Variants in PLEKHO2 observed in about 807,000 individuals in gnomAD.
PLEKHO2 encodes pleckstrin homology domain-containing family O member 2.
PLEKHO2 carries 20 observed loss-of-function variants against 32.7 expected under a neutral mutation model. The observed-to-expected ratio is 0.61, with a 90% CI of 0.43 to 0.89. The LOEUF is 0.89. PLEKHO2 is among the 40% of genes least tolerant of loss of function. The probability of loss-of-function intolerance (pLI) is 0.00; values close to 1 mark genes in which losing one functional copy is unlikely to be tolerated. For missense variants in PLEKHO2, 568 were observed against 621.2 expected, an observed-to-expected ratio of 0.91 and a Z score of 0.91; for synonymous variants, 247 against 246.3, an observed-to-expected ratio of 1.00 and a Z score of -0.03.
intron 2 of PLEKHO2, among the ~76,000 whole-genome samples, chr15:64,854,251 C>T (rs2084591055): frequency 6.6e-6 from 1 of 152,214 alleles, no homozygotes; most frequent in Admixed American, 6.5e-5. Context: ...GGGCACTGTT[C>T]TGGCCACTGG....
At chr15:64,860,120 C>T (rs1195199524) in intron 4 of PLEKHO2, 122 bp downstream of exon 4, 2 of 805,324 alleles carry the variant, frequency 2.5e-6, no homozygotes, top group African/African-American at 3.4e-5. Context: ...TGCTATGGGG[C>T]ATTGTTGTTA....
intron 2 of PLEKHO2, among the ~76,000 whole-genome samples, chr15:64,849,195 G>A (rs577932846): frequency 6.6e-6 from 1 of 152,294 alleles, no homozygotes; most frequent in Admixed American, 6.5e-5. Context: ...AGGCTGGAGT[G>A]CAGTGGTGCG....
chr15:64,847,355 CGTA>C (rs2084530373), intron 1 of PLEKHO2, among the ~76,000 whole-genome samples: 1 of 152,114 alleles, frequency 6.6e-6, no homozygotes, highest in Non-Finnish European at 1.5e-5. Flanking sequence ...TAAATTATAA[CGTA>C]GTCAAAATTA....
intron 1 of PLEKHO2, among the ~76,000 whole-genome samples, chr15:64,846,592 T>A (rs1339205871): frequency 1.3e-5 from 2 of 152,248 alleles, no homozygotes; most frequent in East Asian, 3.9e-4. Context: ...ATTACAGGCA[T>A]GACCCACCAT....
At chr15:64,863,291 G>A (rs1379895693) in intron 5 of PLEKHO2, among the ~76,000 whole-genome samples, 2 of 152,144 alleles carry the variant, frequency 1.3e-5, no homozygotes, top group Non-Finnish European at 2.9e-5. Context: ...GTGCAGGGCT[G>A]GGTTTGCCGG....
At chr15:64,847,496 G>A (rs1044242562) in intron 1 of PLEKHO2, among the ~76,000 whole-genome samples, 6 of 152,162 alleles carry the variant, frequency 3.9e-5, no homozygotes, top group Non-Finnish European at 8.8e-5. Flanking sequence ...AGCAAAGGGT[G>A]TGTATTTTTA....
intron 1 of PLEKHO2, among the ~76,000 whole-genome samples, chr15:64,848,078 G>A (rs1198368715): frequency 2.0e-5 from 3 of 152,172 alleles, no homozygotes; most frequent in African/African-American, 4.8e-5. Flanking sequence ...CTATTTTCCC[G>A]CACTGTGAGC....
chr15:64,848,557 G>A lies in PLEKHO2; in HGVS notation c.13-36G>A, dbSNP rs754411851. 14 of 1,612,796 alleles carry A rather than the reference G, an allele frequency of 8.7e-6. No homozygotes were observed. In the Admixed American group the frequency reaches 1.3e-4, roughly 15 times the overall value. ...ACCTGTGACCTGTGACCCCATGGTA[G>A]CAACCCTCATGGTATGAACTGGTGC... On this transcript the variant is annotated intron_variant, in intron 1 of 5. Coordinates refer to ENST00000323544, the MANE Select transcript of PLEKHO2 (RefSeq NM_025201.5).
At chr15:64,858,962 T>C (rs2084624261) in intron 3 of PLEKHO2, among the ~76,000 whole-genome samples, 1 of 152,146 alleles carries the variant, frequency 6.6e-6, no homozygotes, top group Non-Finnish European at 1.5e-5. Context: ...ACCACCACTC[T>C]CCTCTCTGTC....
intron 5 of PLEKHO2, 84 bp downstream of exon 5, chr15:64,861,659 C>T: frequency 3.4e-6 from 4 of 1,181,722 alleles, no homozygotes; most frequent in Non-Finnish European, 4.6e-6. Context: ...CTTGGGGCCA[C>T]ATTTTTCCTG....
chr15:64,866,642 C>T lies in PLEKHO2; in HGVS notation c.*754C>T, dbSNP rs1054485031. The stretch of plus-strand genomic sequence containing the variant: ...GAGTGGAAGAGGAATTTAAGGGGTC[C>T]CCTAGTCTAGTCTCTGCCCCTGGAT... On this transcript the variant is annotated 3_prime_UTR_variant, in exon 6 of 6. Transcript: ENST00000323544. The T allele has an allele frequency of 9.5e-6, 3 of 316,020 alleles. No individual in the cohort carries two copies. Among genetic ancestry groups the T allele is most frequent in the East Asian group, 8.3e-5 (1 of 12,116 alleles). 19.6% of individuals were successfully genotyped at this position (316,020 alleles called of 1,614,324 possible). A position where few individuals can be genotyped will look rare whatever the true frequency, so the allele number is the denominator to read the frequency against.
chr15:64,865,797 TGA>T lies in PLEKHO2; in HGVS notation c.1387_1388del (p.Asp463PhefsTer151). On this transcript the variant is annotated frameshift_variant, in exon 6 of 6. Coordinates refer to ENST00000323544, the MANE Select transcript of PLEKHO2 (RefSeq NM_025201.5). LOFTEE classifies it high-confidence loss of function. ...CAGGCCACCCAGGTCCTGCAGGAAA[TGA>T]GAGATTTGGGAGAGCTGAGCCAGGA... 1 of 1,613,584 alleles carries T rather than the reference TGA, an allele frequency of 6.2e-7. No homozygotes were observed. Among genetic ancestry groups the T allele is most frequent in the Non-Finnish European group, 8.5e-7 (1 of 1,179,912 alleles).
intron 2 of PLEKHO2, among the ~76,000 whole-genome samples, chr15:64,852,231 G>A (rs747170307): frequency 1.3e-5 from 2 of 152,132 alleles, no homozygotes; most frequent in African/African-American, 4.8e-5. Flanking sequence ...CAAGTTCAGG[G>A]GTTCATGGTT....
rs1193745379 is a variant in PLEKHO2, at chr15:64,865,436, G to T, written c.1021G>T (p.Val341Phe). 6.2e-7 allele frequency: 1 copy of T among 1,614,078 alleles called. No homozygotes were observed. Among genetic ancestry groups the T allele is most frequent in the African/African-American group, 1.3e-5 (1 of 75,036 alleles). ...GCCACCTGCTCCAGGCACAGTGCAG[G>T]TCTCAGTGAATGGCATGGATGACAG... ...SGPPAPGTVQ[V>F]SVNGMDDSPE... Residue 341 changes from valine (V) to phenylalanine (F), a missense_variant, in exon 6 of 6, where the codon GTC becomes TTC. Val to Phe is a conservative substitution (Grantham distance 50). Transcript: ENST00000323544.
At position 64,841,925 on chromosome 15, in the gene PLEKHO2, G is replaced by A; in HGVS notation, c.-92G>A. ...GGCAGCCGGCGGGACAGAACGCGGA[G>A]AGTCGCCGCCTGGCCGGGCGTAGAC... On this transcript the variant is annotated 5_prime_UTR_variant, in exon 1 of 6. Transcript: ENST00000323544. The A allele has an allele frequency of 2.5e-6, 3 of 1,201,780 alleles. No individual in the cohort carries two copies. The South Asian group carries it at 1.2e-4, about 48-fold the overall frequency. The allele number at this position is 1,201,780 out of a possible 1,614,324, so 74.4% of individuals were successfully genotyped here. A position where few individuals can be genotyped will look rare whatever the true frequency, so the allele number is the denominator to read the frequency against.
Position 64,865,231 on chromosome 15 carries a change from G to A in PLEKHO2, c.816G>A (p.Val272=). The A allele has an allele frequency of 1.9e-6, 3 of 1,614,158 alleles. No individual in the cohort carries two copies. The highest frequency in any genetic ancestry group is 1.6e-4 in the Middle Eastern group (1 of 6,062). ...PNSVLPDKLK[V]SWENPSPQEA... ...GCGTCCTGCCTGACAAACTGAAGGT[G>A]AGCTGGGAGAACCCCAGCCCCCAGG... Residue 272 remains valine (V), a synonymous_variant, in exon 6 of 6, where the codon GTG becomes GTA. Coordinates refer to ENST00000323544, the MANE Select transcript of PLEKHO2 (RefSeq NM_025201.5).
At chr15:64,864,647 T>C (rs535316534) in intron 5 of PLEKHO2, among the ~76,000 whole-genome samples, 56 of 152,332 alleles carry the variant, frequency 3.7e-4, no homozygotes, top group African/African-American at 1.3e-3. Flanking sequence ...AAGAGGACCC[T>C]GGCTGTGACT....
intron 1 of PLEKHO2, among the ~76,000 whole-genome samples, chr15:64,843,122 C>G (rs1227448325): frequency 6.6e-6 from 1 of 152,218 alleles, no homozygotes; most frequent in South Asian, 2.1e-4. Context: ...CCACCTCCCA[C>G]TTTTCCAGGG....
intron 1 of PLEKHO2, among the ~76,000 whole-genome samples, chr15:64,842,378 C>CTG (rs777446391): frequency 0.1 from 2,327 of 22,656 alleles, 127 homozygotes; most frequent in South Asian, 0.3. Context: ...GATCCTGACT[C>CTG]TCTCTCTCTC....
Sources: gnomAD v4.1 joint callset for allele counts (sites outside exome capture counted in the v4.1 genomes callset) on GRCh38, gnomAD v4.1.1 for gene constraint, MANE v1.5 for transcripts, NCBI Gene and HGNC (gene_info 2026-07-23, HGNC 2026-07-21) for gene names.